Variants in CT47B1 observed in about 807,000 individuals in gnomAD.
CT47B1 encodes cancer/testis antigen family 47 member B1.
In CT47B1, 24 loss-of-function variants were observed where a neutral mutation model predicts 12.8. The observed-to-expected ratio is 1.87, with a 90% CI of 1.36 to 2.63. The LOEUF is 2.63. Among genes scored for constraint, CT47B1 ranks in the 30% most tolerant of loss-of-function variants. The probability of loss-of-function intolerance (pLI) is 0.00; values close to 1 mark genes in which losing one functional copy is unlikely to be tolerated. For synonymous variants in CT47B1, 228 were observed against 133.3 expected, an observed-to-expected ratio of 1.71 and a Z score of -4.89; for missense variants, 523 against 271.3, an observed-to-expected ratio of 1.93 and a Z score of -6.52.
rs748901552 is a variant in CT47B1 at position 120,875,206 on chromosome X, G to T, written c.465C>A (p.Pro155=). The change falls in exon 1 of 3, where the codon CCC becomes CCA. Residue 155 remains proline (P), a synonymous_variant. Transcript: ENST00000371311. ...NRHLSRLMVG[P]HAAVPNLWDN... is the part of the protein sequence containing the mutation. ...CCCAGAGGTTGGGCACAGCAGCGTG[G>T]GGCCCCACCATCAGGCGGCTGAGGT... 125 of 1,210,207 alleles carry T rather than the reference G, an allele frequency of 1.0e-4. 1 individual carries two copies. Among genetic ancestry groups the T allele is most frequent in the Non-Finnish European group, 1.3e-4 (116 of 894,673 alleles).
In CT47B1 at chrX:120,873,403, T is replaced by C. The variant is rs1413139683; in HGVS notation, c.*31+462A>G. Among the ~76,000 whole-genome samples, 4 of 95,275 alleles carry C rather than the reference T, an allele frequency of 4.2e-5. 1 individual carries two copies. Among genetic ancestry groups the C allele is most frequent in the Non-Finnish European group, 9.1e-5 (4 of 43,906 alleles). 82.7% of individuals were successfully genotyped at this position (95,275 alleles called of 115,157 possible). On this transcript the variant is annotated intron_variant, in intron 2 of 2. Coordinates refer to ENST00000371311, the MANE Select transcript of CT47B1 (RefSeq NM_001145718.3). ...TGTGGTCCTACTTGAAATTCTTAGC[T>C]TTTTGCTATTTTTAAGTAGTCACTT... is the stretch of plus-strand genomic sequence containing the variant.
chrX:120,873,283 C>A lies in CT47B1; in HGVS notation c.*32-543G>T, dbSNP rs1339794369. Among the ~76,000 whole-genome samples, 2 of 100,958 alleles carry A rather than the reference C, an allele frequency of 2.0e-5. 1 individual carries two copies. The highest frequency in any genetic ancestry group is 4.4e-5 in the Non-Finnish European group (2 of 45,808). 87.7% of individuals were successfully genotyped at this position (100,958 alleles called of 115,157 possible). Reference sequence around the variant, plus strand: ...ACAGATATACCTTAAGACTTCATTACCAATTCAGTGATAAACACACATTCT... The same window carrying A: ...ACAGATATACCTTAAGACTTCATTAACAATTCAGTGATAAACACACATTCT... On this transcript the variant is annotated intron_variant, in intron 2 of 2. Transcript: ENST00000371311.
intron 1 of CT47B1, 133 bp from the exon 2 acceptor site, chrX:120,874,153 C>T (rs1458839845): frequency 4.7e-6 from 2 of 426,622 alleles, no homozygotes; most frequent in Non-Finnish European, 7.0e-6. Context: ...AAAGGAATAG[C>T]TGGGCACCTT....
chrX:120,875,733 AC>A lies in CT47B1; in HGVS notation c.-64del. 1 of 514,590 alleles carries A rather than the reference AC, an allele frequency of 1.9e-6. No individual in the cohort carries two copies. Among genetic ancestry groups the A allele is most frequent in the Non-Finnish European group, 2.9e-6 (1 of 340,808 alleles). The allele number at this position is 514,590 out of a possible 1,213,427, so 42.4% of individuals were successfully genotyped here. On this transcript the variant is annotated 5_prime_UTR_variant, in exon 1 of 3. Transcript: ENST00000371311. ...TGAGGCGACCACGGTGAAGACGGTG[AC>A]CACTGAGGTGGCTACGGCCGAGGGG...
In CT47B1 at chrX:120,875,280, G is replaced by A. The variant is rs201086354; in HGVS notation, c.391C>T (p.Leu131Phe). ...TCGTTGTGATAGAGGCGGCGGAGAAGGGAGTGGACCAGGTACAGGAACACG... is the reference window on the plus strand; with the variant it reads ...TCGTTGTGATAGAGGCGGCGGAGAAAGGAGTGGACCAGGTACAGGAACACG... ...GFVFLYLVHS[L>F]LRRLYHNDHI... The change falls in exon 1 of 3, where the codon CTT becomes TTT. Residue 131 changes from leucine to phenylalanine, a missense_variant. Transcript: ENST00000371311. The A allele has an allele frequency of 3.3e-6, 4 of 1,210,366 alleles. No individual in the cohort carries two copies. The highest frequency in any genetic ancestry group is 4.5e-6 in the Non-Finnish European group (4 of 894,734).
intron 1 of CT47B1, among the ~76,000 whole-genome samples, chrX:120,874,273 C>G (rs1236024788): frequency 1.9e-5 from 2 of 106,462 alleles, no homozygotes; most frequent in Non-Finnish European, 3.9e-5. Context: ...CCCAAAGCGG[C>G]TGATTATTTC....
In CT47B1 at chrX:120,875,304, C is replaced by G. The variant is rs372326345; in HGVS notation, c.367G>C (p.Val123Leu). The change falls in exon 1 of 3, where the codon GTG becomes CTG. Residue 123 changes from valine to leucine, a missense_variant. Coordinates refer to ENST00000371311, the MANE Select transcript of CT47B1 (RefSeq NM_001145718.3). ...AGGGAGTGGACCAGGTACAGGAACA[C>G]GAAGCCAATGCCCGCCGCCGGGTAC... ...RRYPAAGIGF[V>L]FLYLVHSLLR... 125 of 1,210,208 alleles carry G rather than the reference C, an allele frequency of 1.0e-4. No homozygotes were observed. The highest frequency in any genetic ancestry group is 1.3e-4 in the Non-Finnish European group (119 of 894,730).
chrX:120,875,025 T>G lies in CT47B1; in HGVS notation c.646A>C (p.Arg216=). The G allele has an allele frequency of 1.7e-6, 2 of 1,209,984 alleles. No homozygotes were observed. The highest frequency in any genetic ancestry group is 1.8e-5 in the South Asian group (1 of 56,957). Residue 216 remains arginine, a synonymous_variant, in exon 1 of 3, where the codon AGG becomes CGG. Transcript: ENST00000371311. ...AVPADLAEMA[R]EPAEEAADEK... is the part of the protein sequence containing the mutation. ...TCTGCGGCCTCCTCCGCGGGCTCCC[T>G]GGCCATCTCGGCCAGGTCAGCTGGC...
At position 120,875,134 on chromosome X, in the gene CT47B1, A is replaced by G. The variant is rs1240446538; in HGVS notation, c.537T>C (p.Ala179=). The change falls in exon 1 of 3, where the codon GCT becomes GCC. Residue 179 remains alanine, a synonymous_variant. Transcript: ENST00000371311. The part of the protein sequence containing the change: ...LLLSQRLGAG[A]AAPEGEGLGL... ...CGAGGCCCTCGCCTTCTGGGGCTGC[A>G]GCCCCTGCACCCAGCCTCTGGGACA... 8.3e-6 allele frequency: 10 copies of G among 1,210,292 alleles called. No homozygotes were observed. Among genetic ancestry groups the G allele is most frequent in the South Asian group, 1.8e-5 (1 of 56,928 alleles).
In CT47B1 at chrX:120,875,115, C is replaced by T; in HGVS notation, c.556G>A (p.Gly186Ser). Residue 186 changes from glycine to serine, a missense_variant, in exon 1 of 3, where the codon GGC becomes AGC. By Grantham distance (56) the Gly-to-Ser change is moderately conservative (BLOSUM62 0). Coordinates refer to ENST00000371311, the MANE Select transcript of CT47B1 (RefSeq NM_001145718.3). ...GCAGCCTCCTGGATCAGGCCGAGGC[C>T]CTCGCCTTCTGGGGCTGCAGCCCCT... is the stretch of plus-strand genomic sequence containing the variant. ...GAGAAAPEGE[G>S]LGLIQEAASV... 1 of 1,210,151 alleles carries T rather than the reference C, an allele frequency of 8.3e-7. No individual in the cohort carries two copies. Among genetic ancestry groups the T allele is most frequent in the Non-Finnish European group, 1.1e-6 (1 of 894,705 alleles).
At position 120,875,174 on chromosome X, in the gene CT47B1, G is replaced by C. The variant is rs756604564; in HGVS notation, c.497C>G (p.Pro166Arg). ...CCTCTGGGACAGCAGCAGCAGGGGAGGGTTGTCCCAGAGGTTGGGCACAGC... is the reference window on the plus strand; with the variant it reads ...CCTCTGGGACAGCAGCAGCAGGGGACGGTTGTCCCAGAGGTTGGGCACAGC... ...HAAVPNLWDN[P>R]PLLLLSQRLG... Residue 166 changes from proline to arginine, a missense_variant, in exon 1 of 3, where the codon CCT becomes CGT. Transcript: ENST00000371311. The C allele has an allele frequency of 3.3e-6, 4 of 1,211,296 alleles. 1 individual carries two copies. The highest frequency in any genetic ancestry group is 1.7e-5 in the African/African-American group (1 of 58,007).
chrX:120,875,265 AG>A lies in CT47B1; in HGVS notation c.405del (p.Tyr136IlefsTer8). Reference protein sequence around the residue: ...LYLVHSLLRRLYHNDHIQIAN... With the variant: ...LYLVHSLLRRXYHNDHIQIAN... ...GCTATCTGGATGTGGTCGTTGTGATAGAGGCGGCGGAGAAGGGAGTGGACCA... is the reference window on the plus strand; with the variant it reads ...GCTATCTGGATGTGGTCGTTGTGATAAGGCGGCGGAGAAGGGAGTGGACCA... On this transcript the variant is annotated frameshift_variant, in exon 1 of 3. Transcript: ENST00000371311. LOFTEE classifies it high-confidence loss of function. 1 of 1,211,362 alleles carries A rather than the reference AG, an allele frequency of 8.3e-7. No individual in the cohort carries two copies. The highest frequency in any genetic ancestry group is 1.1e-6 in the Non-Finnish European group (1 of 894,910).
intron 2 of CT47B1, among the ~76,000 whole-genome samples, chrX:120,873,259 C>G (rs1227305770): frequency 3.0e-5 from 3 of 101,035 alleles, no homozygotes; most frequent in African/African-American, 1.0e-4. Flanking sequence ...TACTCAAAGA[C>G]AGATATACCT....
chrX:120,874,813 A>G (rs1349042217), intron 1 of CT47B1, 83 bp downstream of exon 1: 28 of 1,149,677 alleles, frequency 2.4e-5, no homozygotes, highest in Non-Finnish European at 3.1e-5. Flanking sequence ...CCGCTTCACC[A>G]GCTGTGCCCG....
chrX:120,875,404 G>A lies in CT47B1; in HGVS notation c.267C>T (p.Pro89=), dbSNP rs761027895. ...CCTCCTCCTCCTCTTCCTCCGTCGC[G>A]GGCCCGATATCTGAGTCCTCCTCGG... is the stretch of plus-strand genomic sequence containing the variant. The part of the protein sequence containing the change: ...GSAEEDSDIG[P]ATEEEEEEEE... Residue 89 remains proline (P), a synonymous_variant, in exon 1 of 3, where the codon CCC becomes CCT. Coordinates refer to ENST00000371311, the MANE Select transcript of CT47B1 (RefSeq NM_001145718.3). 33 of 1,208,366 alleles carry A rather than the reference G, an allele frequency of 2.7e-5. No individual in the cohort carries two copies. Among genetic ancestry groups the A allele is most frequent in the South Asian group, 5.3e-5 (3 of 56,734 alleles).
chrX:120,874,559 G>A (rs1324747239), intron 1 of CT47B1, among the ~76,000 whole-genome samples: 1 of 110,822 alleles, frequency 9.0e-6, no homozygotes, highest in Non-Finnish European at 1.9e-5. Flanking sequence ...TTTTCCTTCT[G>A]TTTCCTGCGG....
In CT47B1 at chrX:120,875,203, G is replaced by C. The variant is rs763767698; in HGVS notation, c.468C>G (p.His156Gln). 5.0e-6 allele frequency: 6 copies of C among 1,211,406 alleles called. No individual in the cohort carries two copies. The highest frequency in any genetic ancestry group is 1.8e-5 in the South Asian group (1 of 57,009). ...TGTCCCAGAGGTTGGGCACAGCAGC[G>C]TGGGGCCCCACCATCAGGCGGCTGA... ...RHLSRLMVGP[H>Q]AAVPNLWDNP... is the part of the protein sequence containing the mutation. Residue 156 changes from histidine to glutamine, a missense_variant, in exon 1 of 3, where the codon CAC (histidine) becomes CAG (glutamine). By Grantham distance (24) the His-to-Gln change is conservative. Coordinates refer to ENST00000371311, the MANE Select transcript of CT47B1 (RefSeq NM_001145718.3).
rs764642512 is a variant in CT47B1 at position 120,874,895 on chromosome X, C to G, written c.775+1G>C. ...CCCGCTGCTGCCGCTAGCCCCCTTA[C>G]CCTCGGGGGCCACGGCCTCCTCTGA... On this transcript the variant is annotated splice_donor_variant, in intron 1 of 2. Transcript: ENST00000371311. LOFTEE classifies it high-confidence loss of function. The G allele has an allele frequency of 1.7e-6, 2 of 1,208,948 alleles. No individual in the cohort carries two copies. Among genetic ancestry groups the G allele is most frequent in the Admixed American group, 4.3e-5 (2 of 46,058 alleles).
intron 1 of CT47B1, among the ~76,000 whole-genome samples, chrX:120,874,294 GAGA>G (rs777911161): frequency 5.5e-5 from 6 of 108,355 alleles, no homozygotes; most frequent in Non-Finnish European, 7.6e-5. Context: ...TAGTTCTTTG[GAGA>G]AGAAGAGATC....
Sources: allele counts gnomAD v4.1 joint callset (sites outside exome capture counted in the v4.1 genomes callset), GRCh38; gene constraint gnomAD v4.1.1; transcripts MANE v1.5; gene names NCBI Gene and HGNC (gene_info 2026-07-23, HGNC 2026-07-21).